CSF2RA: variants seen among roughly 807,000 people sequenced by gnomAD.
CSF2RA encodes the protein granulocyte-macrophage colony-stimulating factor receptor subunit alpha.
In CSF2RA, 42 loss-of-function variants were observed where a neutral mutation model predicts 51.6. The ratio of observed to expected loss-of-function variants is 0.81; its 90% CI spans 0.64 to 1.05. CSF2RA has a LOEUF of 1.05. CSF2RA is among the 50% of genes least tolerant of loss of function. The pLI is 0.00. For synonymous variants in CSF2RA, 222 were observed against 193.0 expected (o/e 1.15, Z -1.24); for missense variants, 530 against 501.1 (o/e 1.06, Z -0.55).
rs1556502305 is a variant in CSF2RA at position 1,280,488 on chromosome X, A to AAG, written c.-26-2189_-26-2188insGA. On this transcript the variant is annotated intron_variant, in intron 2 of 12. Coordinates refer to ENST00000381529, the MANE Select transcript of CSF2RA (RefSeq NM_172245.4). ...CTCCGTCTCAAAAAAAAAAAAAAAA[A>AAG]AAGAAGAAGAAGAAAAGAAATACAT... Among the ~76,000 whole-genome samples, 610 of 121,130 alleles carry AAG rather than the reference A, an allele frequency of 5.0e-3. 7 individuals are homozygous for AAG. The highest frequency in any genetic ancestry group is 0.038 in the Admixed American group (438 of 11,530). The allele number at this position is 121,130 out of a possible 152,430, so 79.5% of individuals were successfully genotyped here.
chrX:1,316,270 A>G, the CSF2RA span, among the ~76,000 whole-genome samples: 2 of 61,558 alleles, frequency 3.2e-5, no homozygotes, highest in African/African-American at 6.0e-5. Context: ...TGATAGATAG[A>G]TAGATAGATA....
chrX:1,290,442 G>C lies in CSF2RA; in HGVS notation c.579G>C (p.Leu193=). 1 of 1,613,786 alleles carries C rather than the reference G, an allele frequency of 6.2e-7. No homozygotes were observed. Among genetic ancestry groups the C allele is most frequent in the Non-Finnish European group, 8.5e-7 (1 of 1,179,812 alleles). The part of the protein sequence containing the change: ...LSGLTSRNYF[L]VNGTSREIGI... ...GATTAACGTCTCGCAATTACTTTCT[G>C]GTTAACGGAACCAGCCGAGAAATTG... Residue 193 remains leucine, a synonymous_variant, in exon 7 of 13, where the codon CTG becomes CTC. Coordinates refer to ENST00000381529, the MANE Select transcript of CSF2RA (RefSeq NM_172245.4).
chrX:1,282,919 A>G lies in CSF2RA; in HGVS notation c.76+140A>G, dbSNP rs1447649632. The G allele has an allele frequency of 4.3e-5, 35 of 805,268 alleles. 1 individual carries two copies. The highest frequency in any genetic ancestry group is 7.6e-5 in the Non-Finnish European group (34 of 444,930). The allele number at this position is 805,268 out of a possible 1,614,324, so 49.9% of individuals were successfully genotyped here. A position where few individuals can be genotyped will look rare whatever the true frequency, so the allele number is the denominator to read the frequency against. ...GGACCCAATAAGCACCAGCCAACCC[A>G]CCAGAAGCTCAGAGCTCCTCTTGTT... On this transcript the variant is annotated intron_variant, in intron 3 of 12. Coordinates refer to ENST00000381529, the MANE Select transcript of CSF2RA (RefSeq NM_172245.4).
intron 10 of CSF2RA, among the ~76,000 whole-genome samples, chrX:1,301,666 G>A (rs1372791244): frequency 7.0e-6 from 1 of 142,396 alleles, no homozygotes. Context: ...GCGCAATCTC[G>A]GCTCACTGCA....
At chrX:1,278,557 C>T (rs746396706) in intron 2 of CSF2RA, among the ~76,000 whole-genome samples, 2 of 142,578 alleles carry the variant, frequency 1.4e-5, no homozygotes, top group East Asian at 2.1e-4. Context: ...CGTGTTGGTG[C>T]GTGCCTGTAG....
intron 9 of CSF2RA, among the ~76,000 whole-genome samples, chrX:1,297,954 ACGACCCC>A (rs2092085228): frequency 4.6e-5 from 1 of 21,786 alleles, no homozygotes; most frequent in African/African-American, 2.2e-4. Context: ...TCCCCTACTC[ACGACCCC>A]TACACTCTCC....
chrX:1,324,388 G>C, the CSF2RA span, among the ~76,000 whole-genome samples: 1 of 141,342 alleles, frequency 7.1e-6, no homozygotes, highest in Non-Finnish European at 1.5e-5. Flanking sequence ...AAAGAAAGAA[G>C]GAAGGAAGGA....
chrX:1,305,813 G>C, intron 12 of CSF2RA: 1 of 1,541,948 alleles, frequency 6.5e-7, no homozygotes, highest in Non-Finnish European at 8.8e-7. Context: ...AGGCACGGTG[G>C]CTCATGCCTG....
At chrX:1,319,368 G>A in the CSF2RA span, among the ~76,000 whole-genome samples, 1 of 147,564 alleles carries the variant, frequency 6.8e-6, no homozygotes, top group Non-Finnish European at 1.5e-5. Context: ...GCTCACTGTA[G>A]CCTCAGACTC....
intron 9 of CSF2RA, among the ~76,000 whole-genome samples, chrX:1,298,555 G>C (rs771214302): frequency 0.014 from 1,303 of 90,638 alleles, 39 homozygotes; most frequent in African/African-American, 0.058. Flanking sequence ...CACAACCCCC[G>C]GTGGAACCCT....
chrX:1,312,429 G>C (rs1357170176), downstream of CSF2RA, among the ~76,000 whole-genome samples: 2 of 152,056 alleles, frequency 1.3e-5, no homozygotes, highest in East Asian at 1.9e-4. Flanking sequence ...TTAGGACGTG[G>C]ACATCTTTGG....
At chrX:1,304,644 GT>G (rs34201069) in intron 11 of CSF2RA, among the ~76,000 whole-genome samples, 28,273 of 117,078 alleles carry the variant, frequency 0.24, 3,161 homozygotes, top group African/African-American at 0.41. Flanking sequence ...TTGGAGGTGG[GT>G]TTTTTTTTGT....
intron 1 of CSF2RA, 137 bp downstream of exon 1, chrX:1,269,016 G>T: frequency 2.6e-6 from 1 of 387,530 alleles, no homozygotes; most frequent in South Asian, 1.9e-5. Flanking sequence ...GAGCCGAAGT[G>T]GGGACAGCGG....
chrX:1,298,645 T>C (rs766086149), intron 9 of CSF2RA, among the ~76,000 whole-genome samples: 1 of 12,288 alleles, frequency 8.1e-5, no homozygotes, highest in East Asian at 4.5e-3. Flanking sequence ...CCATGACCCC[T>C]GGTGGAACCC....
intron 7 of CSF2RA, among the ~76,000 whole-genome samples, chrX:1,293,639 A>G (rs1169329260): frequency 6.6e-6 from 1 of 152,034 alleles, no homozygotes; most frequent in Non-Finnish European, 1.5e-5. Flanking sequence ...GACCCAGCGT[A>G]GACAAAGAGG....
At chrX:1,313,515 G>C (rs1429246874), downstream of CSF2RA, among the ~76,000 whole-genome samples, 1 of 147,396 alleles carries the variant, frequency 6.8e-6, no homozygotes, top group East Asian at 2.0e-4. Context: ...TTCAAAACCA[G>C]CCTGGCCAAC....
At chrX:1,280,193 C>T (rs1474290085) in intron 2 of CSF2RA, among the ~76,000 whole-genome samples, 10 of 151,798 alleles carry the variant, frequency 6.6e-5, no homozygotes, top group Non-Finnish European at 1.3e-4. Flanking sequence ...CTACAAAGGC[C>T]GGGTGCAGTG....
intron 6 of CSF2RA, among the ~76,000 whole-genome samples, chrX:1,290,042 TTG>T (rs2091238235): frequency 6.6e-6 from 1 of 150,778 alleles, no homozygotes; most frequent in Non-Finnish European, 1.5e-5. Context: ...TTGTTTTGTT[TTG>T]TGTTTTTGTT....
intron 2 of CSF2RA, among the ~76,000 whole-genome samples, chrX:1,280,868 C>CCTA (rs1405205173): frequency 7.4e-6 from 1 of 135,390 alleles, no homozygotes; most frequent in Non-Finnish European, 1.6e-5. Context: ...TCCTCCTCCT[C>CCTA]CTCCTTCTCC....
Sources: allele counts gnomAD v4.1 joint callset (sites outside exome capture counted in the v4.1 genomes callset), GRCh38; gene constraint gnomAD v4.1.1; transcripts MANE v1.5; gene names NCBI Gene and HGNC (gene_info 2026-07-23, HGNC 2026-07-21).